The following SAMD4A variants were observed in gnomAD, a reference collection of about 807,000 sequenced individuals.
SAMD4A encodes the protein protein Smaug homolog 1.
SAMD4A carries 33 observed loss-of-function variants against 81.3 expected under a neutral mutation model. The ratio of observed to expected loss-of-function variants is 0.41; its 90% CI spans 0.31 to 0.54. The LOEUF (loss-of-function observed/expected upper bound fraction) is 0.54. SAMD4A is among the 20% of genes least tolerant of loss of function. The pLI is 0.37. For synonymous variants in SAMD4A, 389 were observed against 382.1 expected, an observed-to-expected ratio of 1.02 and a Z score of -0.21; for missense variants, 854 against 951.1, an observed-to-expected ratio of 0.90 and a Z score of 1.34.
intron 2 of SAMD4A, among the ~76,000 whole-genome samples, chr14:54,572,921 A>G (rs1281564677): frequency 6.6e-6 from 1 of 152,218 alleles, no homozygotes; most frequent in African/African-American, 2.4e-5. Flanking sequence ...TTGGAACCCT[A>G]AAAAGATATA....
intron 2 of SAMD4A, among the ~76,000 whole-genome samples, chr14:54,603,858 C>T (rs2034128607): frequency 6.6e-6 from 1 of 152,132 alleles, no homozygotes; most frequent in South Asian, 2.1e-4. Context: ...GGAGTCCTCG[C>T]TCTGTCTCCA....
rs149507452 is a variant in SAMD4A at position 54,774,675 on chromosome 14, A to G, written c.1716-259A>G. 9.1e-3 allele frequency among the ~76,000 whole-genome samples: 1,195 copies of G among 131,202 alleles called. 11 individuals carry two copies. The highest frequency in any genetic ancestry group is 0.03 in the African/African-American group (1,111 of 36,758). The allele number at this position is 131,202 out of a possible 152,430, so 86.1% of individuals were successfully genotyped here. Reference sequence around the variant, plus strand: ...ACCAAAAAAAAAAAGTTAGCTGGGCATGGTGGCACATGCCTGTAGTCCCAG... The same window carrying G: ...ACCAAAAAAAAAAAGTTAGCTGGGCGTGGTGGCACATGCCTGTAGTCCCAG... On this transcript the variant is annotated intron_variant, in intron 9 of 12. Coordinates refer to ENST00000554335, the MANE Select transcript of SAMD4A (RefSeq NM_015589.6).
chr14:54,588,018 T>G (rs941668097), intron 2 of SAMD4A, among the ~76,000 whole-genome samples: 1 of 151,336 alleles, frequency 6.6e-6, no homozygotes, highest in Non-Finnish European at 1.5e-5. Flanking sequence ...CGTCCTGGAC[T>G]TTTTTTTTGT....
intron 2 of SAMD4A, among the ~76,000 whole-genome samples, chr14:54,628,858 A>G (rs1478841669): frequency 1.3e-5 from 2 of 152,120 alleles, no homozygotes; most frequent in African/African-American, 2.4e-5. Flanking sequence ...ATTGTCTCTA[A>G]TGGATCTGTA....
intron 4 of SAMD4A, among the ~76,000 whole-genome samples, chr14:54,743,690 C>T (rs2037898551): frequency 2.6e-5 from 4 of 152,188 alleles, no homozygotes; most frequent in Admixed American, 2.6e-4. Context: ...AATAGGCCAC[C>T]TCTCACCTTC....
chr14:54,686,892 A>G (rs933705486), intron 2 of SAMD4A, among the ~76,000 whole-genome samples: 2 of 152,194 alleles, frequency 1.3e-5, no homozygotes, highest in Admixed American at 6.5e-5. Flanking sequence ...TGAGAAACCA[A>G]GTCACCTTAT....
intron 6 of SAMD4A, among the ~76,000 whole-genome samples, chr14:54,753,156 C>A (rs2038153471): frequency 6.6e-6 from 1 of 152,258 alleles, no homozygotes; most frequent in African/African-American, 2.4e-5. Flanking sequence ...ACTAATGCAC[C>A]TCAGCACAGA....
intron 2 of SAMD4A, among the ~76,000 whole-genome samples, chr14:54,618,107 A>C (rs916019483): frequency 3.9e-5 from 6 of 152,218 alleles, no homozygotes; most frequent in African/African-American, 1.4e-4. Flanking sequence ...TAAAATATTA[A>C]ATACTCTCAA....
intron 8 of SAMD4A, among the ~76,000 whole-genome samples, chr14:54,765,650 C>G (rs59648567): frequency 6.6e-6 from 1 of 152,074 alleles, no homozygotes; most frequent in Admixed American, 6.5e-5. Flanking sequence ...ATAGTAAAGG[C>G]CCCAGGCCTC....
chr14:54,608,594 C>T (rs190611371), intron 2 of SAMD4A, among the ~76,000 whole-genome samples: 14 of 152,314 alleles, frequency 9.2e-5, no homozygotes, highest in Admixed American at 7.2e-4. Context: ...ACTGGACATG[C>T]TGTGCTGGCA....
At chr14:54,614,921 A>C (rs2034454246) in intron 2 of SAMD4A, among the ~76,000 whole-genome samples, 3 of 152,190 alleles carry the variant, frequency 2.0e-5, no homozygotes, top group Admixed American at 1.3e-4. Context: ...TTTTGAGTTC[A>C]GCTCAATCAT....
intron 3 of SAMD4A, among the ~76,000 whole-genome samples, chr14:54,708,443 G>C (rs189901099): frequency 1.2e-4 from 19 of 152,344 alleles, no homozygotes; most frequent in Admixed American, 3.9e-4. Flanking sequence ...GTTTGGGAGA[G>C]AGAAGTGGTC....
Position 54,774,983 on chromosome 14 carries a change from G to T in SAMD4A, c.1765G>T (p.Gly589Cys). The change falls in exon 10 of 13, where the codon GGT (glycine) becomes TGT (cysteine). Residue 589 changes from glycine to cysteine, a missense_variant. By Grantham distance (159) the Gly-to-Cys change is radical. Transcript: ENST00000554335. ...NSLPTAGSVG[G>C]GMGRRNPRQY... Reference sequence around the variant, plus strand: ...CCTCCCGACGGCTGGCTCTGTGGGCGGTGGCATGGGCAGACGGAACCCGCG... The same window carrying T: ...CCTCCCGACGGCTGGCTCTGTGGGCTGTGGCATGGGCAGACGGAACCCGCG... The T allele has an allele frequency of 6.2e-7, 1 of 1,614,168 alleles. No homozygotes were observed. The highest frequency in any genetic ancestry group is 8.5e-7 in the Non-Finnish European group (1 of 1,180,032).
At position 54,688,115 on chromosome 14, in the gene SAMD4A, G is replaced by A. The variant is rs574146647; in HGVS notation, c.197-13947G>A. On this transcript the variant is annotated intron_variant, in intron 2 of 12. Coordinates refer to ENST00000554335, the MANE Select transcript of SAMD4A (RefSeq NM_015589.6). The stretch of plus-strand genomic sequence containing the variant: ...TTTTCACCTAACACCTGGTTCAACT[G>A]TAATGTGCTCAGCTCCGTATAACCT... 3 of 985,536 alleles carry A rather than the reference G, an allele frequency of 3.0e-6. No individual in the cohort carries two copies. The African/African-American group carries it at 5.2e-5, about 17-fold the overall frequency. The allele number at this position is 985,536 out of a possible 1,614,324, so 61.0% of individuals were successfully genotyped here.
intron 11 of SAMD4A, among the ~76,000 whole-genome samples, chr14:54,779,544 C>T (rs12323472): frequency 6.6e-6 from 1 of 152,140 alleles, no homozygotes; most frequent in Admixed American, 6.5e-5. Flanking sequence ...TAGAACCCAC[C>T]AAGTTGCGGA....
At chr14:54,747,287 C>T (rs1411242275) in intron 4 of SAMD4A, among the ~76,000 whole-genome samples, 4 of 152,242 alleles carry the variant, frequency 2.6e-5, no homozygotes, top group African/African-American at 9.6e-5. Flanking sequence ...CAGAAATTCC[C>T]CTTCATTGGC....
chr14:54,664,092 C>G (rs542916540), intron 2 of SAMD4A, among the ~76,000 whole-genome samples: 8 of 152,250 alleles, frequency 5.3e-5, no homozygotes, highest in African/African-American at 1.9e-4. Context: ...AAATTAAATA[C>G]AAACAAGATA....
At chr14:54,607,324 T>C (rs866148167) in intron 2 of SAMD4A, among the ~76,000 whole-genome samples, 5 of 152,062 alleles carry the variant, frequency 3.3e-5, no homozygotes, top group Non-Finnish European at 4.4e-5. Flanking sequence ...GAGACAGGAA[T>C]GTATTGGAAA....
At chr14:54,765,285 A>G (rs1466728829) in intron 8 of SAMD4A, among the ~76,000 whole-genome samples, 1 of 151,968 alleles carries the variant, frequency 6.6e-6, no homozygotes, top group African/African-American at 2.4e-5. Context: ...GACCAGATAA[A>G]CCTAGGATGG....
Sources: allele counts gnomAD v4.1 joint callset (sites outside exome capture counted in the v4.1 genomes callset), GRCh38; gene constraint gnomAD v4.1.1; transcripts MANE v1.5; gene names NCBI Gene and HGNC (gene_info 2026-07-23, HGNC 2026-07-21).